RPTOR: variants seen among roughly 807,000 people sequenced by gnomAD.
RPTOR encodes regulatory-associated protein of mTOR.
In RPTOR, 21 loss-of-function variants were observed where a neutral mutation model predicts 169.9. That is an observed-to-expected ratio of 0.12 (90% CI 0.09 to 0.18). The LOEUF (loss-of-function observed/expected upper bound fraction) is 0.18, where lower values mean the gene tolerates loss of function less well. Ranked by LOEUF, RPTOR falls within the 10% of genes least tolerant of loss-of-function variation. The pLI is 1.00. For synonymous variants in RPTOR, 732 were observed against 753.2 expected (o/e 0.97, Z 0.46); for missense variants, 1,133 against 1,855.9 (o/e 0.61, Z 7.16).
chr17:80,622,895 C>A (rs2065365171), intron 1 of RPTOR, among the ~76,000 whole-genome samples: 1 of 151,650 alleles, frequency 6.6e-6, no homozygotes, highest in Non-Finnish European at 1.5e-5. Context: ...AGAGTGAGAC[C>A]CCACCTCAAA....
intron 24 of RPTOR, among the ~76,000 whole-genome samples, chr17:80,926,989 C>G (rs922685566): frequency 6.6e-6 from 1 of 152,240 alleles, no homozygotes; most frequent in African/African-American, 2.4e-5. Flanking sequence ...GCTGGGCTCA[C>G]CGCTGCTTAC....
intron 3 of RPTOR, among the ~76,000 whole-genome samples, chr17:80,681,374 C>T (rs192181865): frequency 1.8e-4 from 28 of 152,290 alleles, no homozygotes; most frequent in Non-Finnish European, 3.2e-4. Context: ...GCTCTCGTTC[C>T]GTCCTCACAC....
chr17:80,819,797 A>G (rs1293751006), intron 7 of RPTOR, among the ~76,000 whole-genome samples: 2 of 152,210 alleles, frequency 1.3e-5, no homozygotes, highest in Admixed American at 6.5e-5. Flanking sequence ...ACTTTGAGTG[A>G]TGCAGTATCA....
intron 7 of RPTOR, among the ~76,000 whole-genome samples, chr17:80,799,610 C>T (rs1290206442): frequency 2.6e-5 from 4 of 152,182 alleles, no homozygotes; most frequent in East Asian, 3.9e-4. Flanking sequence ...AGTCACGTGA[C>T]GCAAGGAGAA....
At chr17:80,790,772 AG>A (rs963757305) in intron 6 of RPTOR, among the ~76,000 whole-genome samples, 9 of 152,262 alleles carry the variant, frequency 5.9e-5, no homozygotes, top group Non-Finnish European at 1.0e-4. Context: ...TAATTTTAAA[AG>A]TAGGTGAATT....
chr17:80,842,807 A>G (rs2067685666), intron 10 of RPTOR, among the ~76,000 whole-genome samples: 1 of 152,132 alleles, frequency 6.6e-6, no homozygotes, highest in African/African-American at 2.4e-5. Flanking sequence ...CTGGACCTGC[A>G]TCTGCTCACA....
intron 31 of RPTOR, 178 bp downstream of exon 31, chr17:80,961,658 A>T: frequency 1.4e-6 from 1 of 701,140 alleles, no homozygotes; most frequent in Non-Finnish European, 2.3e-6. Context: ...CCCAGGGGCC[A>T]CAGCTGCTCC....
At chr17:80,766,177 C>A (rs2066785347) in intron 6 of RPTOR, among the ~76,000 whole-genome samples, 1 of 151,940 alleles carries the variant, frequency 6.6e-6, no homozygotes, top group African/African-American at 2.4e-5. Context: ...CACCTCAGCC[C>A]CCCAGGTAAC....
intron 1 of RPTOR, among the ~76,000 whole-genome samples, chr17:80,610,159 TCTC>T (rs369163607): frequency 5.3e-5 from 8 of 152,236 alleles, no homozygotes; most frequent in Non-Finnish European, 8.8e-5. Context: ...CTCCAGCTCT[TCTC>T]CTCCTCCTCT....
Position 80,925,022 on chromosome 17 carries a change from G to A in RPTOR, c.2809-348G>A, listed in dbSNP as rs537357995. Among the ~76,000 whole-genome samples, 59 of 152,338 alleles carry A rather than the reference G, an allele frequency of 3.9e-4. 1 individual carries two copies. Among genetic ancestry groups the A allele is most frequent in the Admixed American group, 1.0e-3 (16 of 15,308 alleles). ...CACAGGAGCTGTCCTGGAACCAAGC[G>A]GCAGAGGCTTTTTGGGGGTTGATAA... On this transcript the variant is annotated intron_variant, in intron 23 of 33. Coordinates refer to ENST00000306801, the MANE Select transcript of RPTOR (RefSeq NM_020761.3).
chr17:80,631,493 T>C (rs2065441946), intron 2 of RPTOR, among the ~76,000 whole-genome samples: 1 of 152,114 alleles, frequency 6.6e-6, no homozygotes, highest in Non-Finnish European at 1.5e-5. Flanking sequence ...TCTTCAAAGA[T>C]GGGCTGTGCA....
chr17:80,734,395 C>T (rs958522736), intron 5 of RPTOR, among the ~76,000 whole-genome samples: 1 of 152,324 alleles, frequency 6.6e-6, no homozygotes, highest in Middle Eastern at 3.4e-3. Context: ...TTCTTCCCCT[C>T]TCTCGATTTT....
In RPTOR at chr17:80,730,771, T is replaced by TGTTTTTTTTTTCCGGGGGGGGG; in HGVS notation, c.654+66_654+67insTTTTTTTTTTCCGGGGGGGGGG. Reference sequence around the variant, plus strand: ...TTTTGTTTTCCCTGGGGGTGGGGTTTGGGTGGGGAGGTTGGGAGGTGTTGG... The same window carrying TGTTTTTTTTTTCCGGGGGGGGG: ...TTTTGTTTTCCCTGGGGGTGGGGTTTGTTTTTTTTTTCCGGGGGGGGGGGGTGGGGAGGTTGGGAGGTGTTGG... On this transcript the variant is annotated intron_variant, in intron 5 of 33. Transcript: ENST00000306801. This position sits in a 1 kb window ranked among gnomAD's most constrained non-coding sequence, Gnocchi z 4.2. The TGTTTTTTTTTTCCGGGGGGGGG allele has an allele frequency of 2.1e-6, 1 of 479,854 alleles. No homozygotes were observed. Among genetic ancestry groups the TGTTTTTTTTTTCCGGGGGGGGG allele is most frequent in the Non-Finnish European group, 4.0e-6 (1 of 250,636 alleles). 29.7% of individuals were successfully genotyped at this position (479,854 alleles called of 1,614,324 possible).
At chr17:80,680,568 G>A (rs1242950868) in intron 3 of RPTOR, among the ~76,000 whole-genome samples, 1 of 152,174 alleles carries the variant, frequency 6.6e-6, no homozygotes, top group South Asian at 2.1e-4. Context: ...GGCAGAGGTT[G>A]CAGTGAGCCA....
intron 3 of RPTOR, among the ~76,000 whole-genome samples, chr17:80,656,561 A>T (rs1391553396): frequency 6.6e-6 from 1 of 152,198 alleles, no homozygotes; most frequent in Admixed American, 6.5e-5. Context: ...TTTTAAAACC[A>T]TGATTTTTTT....
intron 24 of RPTOR, among the ~76,000 whole-genome samples, chr17:80,940,249 A>C (rs1397579946): frequency 6.6e-6 from 1 of 152,244 alleles, no homozygotes; most frequent in Non-Finnish European, 1.5e-5. Flanking sequence ...CCAAATTTTA[A>C]AAATACGGCA....
chr17:80,851,647 G>T (rs192855232), intron 11 of RPTOR, among the ~76,000 whole-genome samples: 1 of 152,236 alleles, frequency 6.6e-6, no homozygotes, highest in Non-Finnish European at 1.5e-5. Flanking sequence ...AGGCCCCCGC[G>T]TGTGTTTCAT....
At chr17:80,858,861 G>A (rs1218301120) in intron 13 of RPTOR, among the ~76,000 whole-genome samples, 1 of 152,244 alleles carries the variant, frequency 6.6e-6, no homozygotes, top group African/African-American at 2.4e-5. Flanking sequence ...GGTAGACACA[G>A]TTGAACTTCA....
intron 21 of RPTOR, 146 bp from the exon 22 acceptor site, chr17:80,922,577 TG>T: frequency 2.9e-6 from 2 of 690,938 alleles, no homozygotes; most frequent in Non-Finnish European, 5.1e-6. Flanking sequence ...GGGATCCAGC[TG>T]GGGCCTTCCA....
Sources: allele counts gnomAD v4.1 joint callset (sites outside exome capture counted in the v4.1 genomes callset), GRCh38; gene constraint gnomAD v4.1.1; non-coding constraint Gnocchi (gnomAD v3.1); transcripts MANE v1.5; gene names NCBI Gene and HGNC (gene_info 2026-07-23, HGNC 2026-07-21).